Variants in ELP4 observed in about 807,000 individuals in gnomAD.
The protein encoded by ELP4 is elongator complex protein 4.
In ELP4, 51 loss-of-function variants were observed where a neutral mutation model predicts 48.9. The ratio of observed to expected loss-of-function variants is 1.04; its 90% CI spans 0.83 to 1.32. The LOEUF is 1.32. ELP4 is among the 40% of genes most tolerant of loss of function. The pLI is 0.00. For synonymous variants in ELP4, 210 were observed against 189.2 expected (o/e 1.11, Z -0.90); for missense variants, 519 against 514.6 (o/e 1.01, Z -0.08).
chr11:31,575,504 T>G (rs1344161586), intron 3 of ELP4, among the ~76,000 whole-genome samples: 1 of 151,982 alleles, frequency 6.6e-6, no homozygotes, highest in Admixed American at 6.6e-5. Flanking sequence ...TCACCAAAGT[T>G]GAAATGAAGG....
intron 9 of ELP4, among the ~76,000 whole-genome samples, chr11:31,700,851 T>C (rs1318793812): frequency 6.6e-6 from 1 of 152,106 alleles, no homozygotes; most frequent in African/African-American, 2.4e-5. Context: ...AATGAGAATG[T>C]AGAAAGAAAT....
At chr11:31,690,431 ATAT>A (rs1339180967) in intron 9 of ELP4, among the ~76,000 whole-genome samples, 2 of 151,976 alleles carry the variant, frequency 1.3e-5, no homozygotes, top group Non-Finnish European at 2.9e-5. Context: ...CTAAAAAAAA[ATAT>A]ATATATTTTA....
intron 3 of ELP4, among the ~76,000 whole-genome samples, chr11:31,567,703 T>C (rs969227425): frequency 2.6e-5 from 4 of 152,190 alleles, no homozygotes; most frequent in Non-Finnish European, 5.9e-5. Context: ...ATAAAGTGAG[T>C]CACTTTTTTT....
chr11:31,512,215 G>A lies in ELP4; in HGVS notation c.223+2208G>A, dbSNP rs1216438065. On this transcript the variant is annotated intron_variant, in intron 1 of 9. Coordinates refer to ENST00000640961, the MANE Select transcript of ELP4 (RefSeq NM_019040.5). Reference sequence around the variant, plus strand: ...TAATAGGATGTTATGGTGTTAGAACGGTAAAACTATACTGTAATATTGTGA... The same window carrying A: ...TAATAGGATGTTATGGTGTTAGAACAGTAAAACTATACTGTAATATTGTGA... The A allele has an allele frequency of 2.6e-5, 4 of 152,176 alleles. No individual in the cohort carries two copies. The East Asian group carries it at 5.8e-4, about 22-fold the overall frequency. The allele number at this position is 152,176 out of a possible 1,614,324, so 9.4% of individuals were successfully genotyped here.
At chr11:31,732,573 T>C (rs1947216246) in intron 9 of ELP4, among the ~76,000 whole-genome samples, 1 of 151,970 alleles carries the variant, frequency 6.6e-6, no homozygotes, top group Non-Finnish European at 1.5e-5. Context: ...TCAAAATTAC[T>C]TTAAATGTAA....
chr11:31,727,658 G>C (rs1161257740), intron 9 of ELP4: 1 of 152,096 alleles, frequency 6.6e-6, no homozygotes. Context: ...TCAAAGACTA[G>C]TAAGCTCTGA....
At chr11:31,734,777 G>C (rs889364809) in intron 9 of ELP4, among the ~76,000 whole-genome samples, 1 of 151,968 alleles carries the variant, frequency 6.6e-6, no homozygotes, top group Admixed American at 6.6e-5. Context: ...TTGTTAAAAT[G>C]TTCATAGTAC....
At chr11:31,689,040 G>A (rs1222494215) in intron 9 of ELP4, 4 of 152,112 alleles carry the variant, frequency 2.6e-5, no homozygotes, top group Admixed American at 6.6e-5. Flanking sequence ...CACAGGGTTC[G>A]CTTTAATTCT....
At chr11:31,653,941 C>G (rs1346093852) in intron 9 of ELP4, 5 of 151,554 alleles carry the variant, frequency 3.3e-5, no homozygotes, top group Non-Finnish European at 3.0e-5. Context: ...TAAGATTAGG[C>G]AGAATTTGAA....
At chr11:31,558,167 G>GTC (rs1956959139) in intron 3 of ELP4, among the ~76,000 whole-genome samples, 1 of 150,032 alleles carries the variant, frequency 6.7e-6, no homozygotes, top group African/African-American at 2.5e-5. Flanking sequence ...CCTGGCTACT[G>GTC]TGAGAGCTTA....
intron 2 of ELP4, among the ~76,000 whole-genome samples, chr11:31,537,729 C>T (rs1347024389): frequency 6.6e-6 from 1 of 152,048 alleles, no homozygotes; most frequent in African/African-American, 2.4e-5. Flanking sequence ...ATCATGAGAA[C>T]GGCACCAAAG....
At position 31,788,028 on chromosome 11, in the gene ELP4, A is replaced by T. The variant is rs1387817430; in HGVS notation, c.*4504A>T. ...TTTTTAGTGAAGTTTGCAGAGGAAG[A>T]CTTATCTGTATTGACTTATATGTTG... is the stretch of plus-strand genomic sequence containing the variant. On this transcript the variant is annotated 3_prime_UTR_variant, in exon 10 of 10. Transcript: ENST00000640961. 1 of 222,234 alleles carries T rather than the reference A, an allele frequency of 4.5e-6. No homozygotes were observed. Among genetic ancestry groups the T allele is most frequent in the Non-Finnish European group, 9.0e-6 (1 of 111,172 alleles). The allele number at this position is 222,234 out of a possible 1,614,324, so 13.8% of individuals were successfully genotyped here. A position where few individuals can be genotyped will look rare whatever the true frequency, so the allele number is the denominator to read the frequency against.
intron 4 of ELP4, chr11:31,599,328 C>T (rs1326685870): frequency 3.3e-5 from 5 of 152,124 alleles, no homozygotes; most frequent in South Asian, 2.1e-4. Context: ...CACCTTCTGA[C>T]TTCTTTGCTT....
At chr11:31,715,046 A>G (rs1946815886) in intron 9 of ELP4, 4 of 365,708 alleles carry the variant, frequency 1.1e-5, no homozygotes, top group African/African-American at 2.1e-5. Context: ...ATTTTTACTC[A>G]TCAGTAACCA....
In ELP4 at chr11:31,668,779, G is replaced by A. The variant is rs994565954; in HGVS notation, c.1143+18558G>A. ...GTCAGATTTTTAATTTCCTGACCTA[G>A]GATGAAGCTGTTTCTTATTTTGATA... On this transcript the variant is annotated intron_variant, in intron 9 of 9. Transcript: ENST00000640961. Among the ~76,000 whole-genome samples the A allele has an allele frequency of 2.7e-5, 4 of 149,382 alleles. No individual in the cohort carries two copies. The Admixed American group carries it at 2.7e-4, about 10-fold the overall frequency.
intron 9 of ELP4, chr11:31,654,614 A>G (rs186033582): frequency 1.3e-5 from 2 of 152,020 alleles, no homozygotes; most frequent in East Asian, 3.9e-4. Flanking sequence ...GGATTATTCA[A>G]TAAGATTATT....
At chr11:31,757,768 A>T (rs1194406513) in intron 9 of ELP4, among the ~76,000 whole-genome samples, 1 of 152,182 alleles carries the variant, frequency 6.6e-6, no homozygotes, top group South Asian at 2.1e-4. Flanking sequence ...CAGATGTAAC[A>T]GTTTGCTCAA....
At chr11:31,567,874 A>G (rs1264246735) in intron 3 of ELP4, among the ~76,000 whole-genome samples, 1 of 152,210 alleles carries the variant, frequency 6.6e-6, no homozygotes, top group Non-Finnish European at 1.5e-5. Context: ...TTGCTGGTAT[A>G]GAGTCTTGCC....
In ELP4 at chr11:31,625,022, C is replaced by A. The variant is rs1944709223; in HGVS notation, c.654-2088C>A. 2.1e-5 allele frequency among the ~76,000 whole-genome samples: 3 copies of A among 145,298 alleles called. 1 individual carries two copies. In the South Asian group the frequency reaches 6.5e-4, roughly 32 times the overall value. On this transcript the variant is annotated intron_variant, in intron 5 of 9. Coordinates refer to ENST00000640961, the MANE Select transcript of ELP4 (RefSeq NM_019040.5). ...TCACCTGAGTCTATCTTATTGTTAG[C>A]TTTTTTTTTTTCCAATAAATAAAAG...
Sources: allele counts gnomAD v4.1 joint callset (sites outside exome capture counted in the v4.1 genomes callset), GRCh38; gene constraint gnomAD v4.1.1; transcripts MANE v1.5; gene names NCBI Gene and HGNC (gene_info 2026-07-23, HGNC 2026-07-21).